Variants in SEMA4C observed in about 807,000 individuals in gnomAD.
SEMA4C encodes the protein semaphorin-4C.
In SEMA4C, 19 loss-of-function variants were observed where a neutral mutation model predicts 89.0. That is an observed-to-expected ratio of 0.21 (90% CI 0.15 to 0.31). The LOEUF (loss-of-function observed/expected upper bound fraction) is 0.31. Ranked by LOEUF, SEMA4C falls within the 10% of genes least tolerant of loss-of-function variation. The pLI, the probability that SEMA4C is intolerant of heterozygous loss-of-function variation, is 1.00. For synonymous variants in SEMA4C, 428 were observed against 472.7 expected, an observed-to-expected ratio of 0.91 and a Z score of 1.23; for missense variants, 811 against 1,107.0, an observed-to-expected ratio of 0.73 and a Z score of 3.79.
chr2:96,863,996 G>A lies in SEMA4C; in HGVS notation c.1260C>T (p.Phe420=), dbSNP rs1367333230. The stretch of plus-strand genomic sequence containing the variant: ...TAACCCGGTCGGCCACCAGGTGGGT[G>A]AAGTTGGTGCCCTTCTTCACGAGCA... ...RPLLVKKGTN[F]THLVADRVTG... Residue 420 remains phenylalanine (F), a synonymous_variant, in exon 11 of 15, where the codon TTC becomes TTT. Coordinates refer to ENST00000305476, the MANE Select transcript of SEMA4C (RefSeq NM_017789.5). The A allele has an allele frequency of 6.2e-7, 1 of 1,613,570 alleles. No individual in the cohort carries two copies. The highest frequency in any genetic ancestry group is 1.7e-5 in the Admixed American group (1 of 60,032).
chr2:96,869,552 G>T (rs371943560), intron 1 of SEMA4C: 11 of 985,180 alleles, frequency 1.1e-5, no homozygotes, highest in African/African-American at 8.7e-5. Flanking sequence ...CTTTCCATCG[G>T]GGGTGGGAGC....
rs758187273 is a variant in SEMA4C, at chr2:96,864,770, C to T, written c.897G>A (p.Ala299=). The change falls in exon 9 of 15, where the codon GCG becomes GCA. Residue 299 remains alanine, a synonymous_variant. Coordinates refer to ENST00000305476, the MANE Select transcript of SEMA4C (RefSeq NM_017789.5). The surrounding 1 kb of genome is among the most constrained non-coding windows in gnomAD (Gnocchi z 6.3). ...AGGAGGTGTCCTGCAGGGTGTGCAT[C>T]GCCTGCAGCTGGTTGAAGTAGAGCT... ...NWQLYFNQLQ[A]MHTLQDTSWH... The T allele has an allele frequency of 1.6e-5, 26 of 1,613,942 alleles. No homozygotes were observed. The highest frequency in any genetic ancestry group is 2.2e-5 in the South Asian group (2 of 91,088).
At position 96,861,103 on chromosome 2, in the gene SEMA4C, C is replaced by A. The variant is rs765513450; in HGVS notation, c.2025G>T (p.Val675=). ...VWLAVVALGA[V]CLVLLLLVLS... ...GCACCAGCAGCAGCAGCACCAGGCA[C>A]ACAGCCCCCAGGGCCACCACCGCCA... Residue 675 remains valine, a synonymous_variant, in exon 15 of 15, where the codon GTG becomes GTT. Transcript: ENST00000305476. This position sits in a 1 kb window ranked among gnomAD's most constrained non-coding sequence, Gnocchi z 7.8. 7 of 1,612,002 alleles carry A rather than the reference C, an allele frequency of 4.3e-6. No individual in the cohort carries two copies. The African/African-American group carries it at 9.4e-5, about 22-fold the overall frequency.
At chr2:96,863,222 A>T in intron 12 of SEMA4C, 1 of 990,932 alleles carries the variant, frequency 1.0e-6, no homozygotes, top group African/African-American at 1.7e-5. Context: ...AAAAAAACCA[A>T]AAAGAGTATT....
At position 96,869,690 on chromosome 2, in the gene SEMA4C, G is replaced by A. The variant is rs1022731741; in HGVS notation, c.-38+186C>T. 8 of 985,062 alleles carry A rather than the reference G, an allele frequency of 8.1e-6. No homozygotes were observed. In the Admixed American group the frequency reaches 4.3e-4, roughly 53 times the overall value. The allele number at this position is 985,062 out of a possible 1,614,324, so 61.0% of individuals were successfully genotyped here. On this transcript the variant is annotated intron_variant, in intron 1 of 14. Coordinates refer to ENST00000305476, the MANE Select transcript of SEMA4C (RefSeq NM_017789.5). ...CAGGTGCTGTGCGCCCCACTCCCGA[G>A]ACCCTGCGAAGCAGCCGCGGGGGTC...
rs1004313887 is a variant in SEMA4C at position 96,867,890 on chromosome 2, G to A, written c.-4C>T. Reference sequence around the variant, plus strand: ...AGACAGCCCAGTGTGGGGCCATGGCGCACGCCCCGGCTCTGAGCTTCAGGC... The same window carrying A: ...AGACAGCCCAGTGTGGGGCCATGGCACACGCCCCGGCTCTGAGCTTCAGGC... On this transcript the variant is annotated 5_prime_UTR_variant, in exon 2 of 15. Transcript: ENST00000305476. 1.9e-6 allele frequency: 3 copies of A among 1,613,466 alleles called. No individual in the cohort carries two copies. Among genetic ancestry groups the A allele is most frequent in the Non-Finnish European group, 2.5e-6 (3 of 1,180,006 alleles).
intron 2 of SEMA4C, chr2:96,866,653 A>G: frequency 1.4e-6 from 1 of 693,694 alleles, no homozygotes; most frequent in Non-Finnish European, 2.6e-6. Flanking sequence ...GGCTGCTGGG[A>G]GGAAGGAAGG....
intron 1 of SEMA4C, 131 bp from the exon 2 acceptor site, chr2:96,868,054 T>C (rs1574156649): frequency 7.9e-7 from 1 of 1,259,148 alleles, no homozygotes; most frequent in Non-Finnish European, 1.1e-6. Context: ...CCCCTTCTCT[T>C]TGGAGGTGGA....
In SEMA4C at chr2:96,870,054, A is replaced by G; in HGVS notation, c.-216T>C. On this transcript the variant is annotated 5_prime_UTR_variant, in exon 1 of 15. Transcript: ENST00000305476. ...CCCCTAGGCTCGGGCTCCCCGCGCC[A>G]CCACGGCGGGCGCCGGCTCTTTCTC... 1 of 978,116 alleles carries G rather than the reference A, an allele frequency of 1.0e-6. No homozygotes were observed. Among genetic ancestry groups the G allele is most frequent in the African/African-American group, 1.8e-5 (1 of 56,964 alleles). The allele number at this position is 978,116 out of a possible 1,614,324, so 60.6% of individuals were successfully genotyped here. A position where few individuals can be genotyped will look rare whatever the true frequency, so the allele number is the denominator to read the frequency against.
chr2:96,869,515 T>G, intron 1 of SEMA4C: 1 of 985,032 alleles, frequency 1.0e-6, no homozygotes, highest in Middle Eastern at 5.2e-4. Context: ...TCCCACAACA[T>G]CGGCCTCCCT....
chr2:96,859,728 C>G lies in SEMA4C; in HGVS notation c.*898G>C, dbSNP rs992995165. ...TTTAGCCCAAACATCTTAGCCCCAT[C>G]AGAGCAATCGTTTCATTTTCTCCAT... On this transcript the variant is annotated 3_prime_UTR_variant, in exon 15 of 15. Coordinates refer to ENST00000305476, the MANE Select transcript of SEMA4C (RefSeq NM_017789.5). 6 of 152,244 alleles carry G rather than the reference C, an allele frequency of 3.9e-5. No homozygotes were observed. Among genetic ancestry groups the G allele is most frequent in the Non-Finnish European group, 8.8e-5 (6 of 68,048 alleles). 9.4% of individuals were successfully genotyped at this position (152,244 alleles called of 1,614,324 possible). A position where few individuals can be genotyped will look rare whatever the true frequency, so the allele number is the denominator to read the frequency against.
chr2:96,864,685 G>A lies in SEMA4C; in HGVS notation c.962+20C>T. Reference sequence around the variant, plus strand: ...GAACCCCAGCTCCTCCCCACTCTGTGGGAGCCCTGGCCAACTCACCACTGT... The same window carrying A: ...GAACCCCAGCTCCTCCCCACTCTGTAGGAGCCCTGGCCAACTCACCACTGT... On this transcript the variant is annotated intron_variant, in intron 9 of 14. Coordinates refer to ENST00000305476, the MANE Select transcript of SEMA4C (RefSeq NM_017789.5). The surrounding 1 kb of genome is among the most constrained non-coding windows in gnomAD (Gnocchi z 6.3). 1.9e-6 allele frequency: 3 copies of A among 1,590,414 alleles called. No homozygotes were observed. The highest frequency in any genetic ancestry group is 2.6e-6 in the Non-Finnish European group (3 of 1,165,106).
intron 1 of SEMA4C, chr2:96,869,410 C>T (rs1289051604): frequency 2.1e-6 from 2 of 975,486 alleles, no homozygotes; most frequent in Non-Finnish European, 2.4e-6. Context: ...GGGGACGGCG[C>T]GGCCCGGCTC....
rs1330818688 is a variant in SEMA4C, at chr2:96,860,700, C to T, written c.2428G>A (p.Ala810Thr). ...GGLGHPLPEL[A>T]DELRRKLQQR... ...TGCAGTTTGCGTCTCAGTTCATCCG[C>T]GAGCTCAGGCAGGGGGTGCCCGAGC... Residue 810 changes from alanine to threonine, a missense_variant, in exon 15 of 15, where the codon GCG becomes ACG. Physicochemically the swap from Ala to Thr is moderately conservative, Grantham distance 58. Coordinates refer to ENST00000305476, the MANE Select transcript of SEMA4C (RefSeq NM_017789.5). 1.5e-5 allele frequency: 25 copies of T among 1,613,426 alleles called. No homozygotes were observed. Among genetic ancestry groups the T allele is most frequent in the Non-Finnish European group, 1.9e-5 (23 of 1,179,958 alleles).
chr2:96,866,576 G>A, intron 2 of SEMA4C, 145 bp from the exon 3 acceptor site: 8 of 1,197,922 alleles, frequency 6.7e-6, no homozygotes, highest in Non-Finnish European at 8.5e-6. Flanking sequence ...TTTTGAAACA[G>A]CCTTTGGCCC....
chr2:96,865,430 C>T lies in SEMA4C; in HGVS notation c.517+11G>A, dbSNP rs1559035174. ...GGACTCACCCAGCCTGCATGGGGGG[C>T]AGCCACTCACCCACAAGAAGGCCAG... is the stretch of plus-strand genomic sequence containing the variant. On this transcript the variant is annotated intron_variant, in intron 6 of 14. Coordinates refer to ENST00000305476, the MANE Select transcript of SEMA4C (RefSeq NM_017789.5). 1 of 1,612,764 alleles carries T rather than the reference C, an allele frequency of 6.2e-7. No homozygotes were observed. The highest frequency in any genetic ancestry group is 8.5e-7 in the Non-Finnish European group (1 of 1,178,904).
rs765845491 is a variant in SEMA4C at position 96,861,604 on chromosome 2, G to A, written c.1647C>T (p.Ile549=). 1 of 1,581,728 alleles carries A rather than the reference G, an allele frequency of 6.3e-7. No individual in the cohort carries two copies. Among genetic ancestry groups the A allele is most frequent in the Admixed American group, 1.7e-5 (1 of 57,688 alleles). The stretch of plus-strand genomic sequence containing the variant: ...CTTTCTTACTGCCACGGAGGTTGCA[G>A]ATGCCTGAAGTGTCCGAGGTCATCA... The part of the protein sequence containing the change: ...QHVMTSDTSG[I]CNLRGSKKVR... The change falls in exon 14 of 15, where the codon ATC becomes ATT. Residue 549 remains isoleucine (I), a synonymous_variant. Coordinates refer to ENST00000305476, the MANE Select transcript of SEMA4C (RefSeq NM_017789.5). The surrounding 1 kb of genome is among the most constrained non-coding windows in gnomAD (Gnocchi z 7.8).
chr2:96,870,133 C>A (rs888929432), upstream of SEMA4C: 21 of 972,824 alleles, frequency 2.2e-5, no homozygotes, highest in South Asian at 3.3e-4. Flanking sequence ...CTGGGGGGGT[C>A]GAGCGGAGGC....
rs1356322516 is a variant in SEMA4C, at chr2:96,860,657, G to A, written c.2471C>T (p.Pro824Leu). ...RRKLQQRQPL[P>L]DSNPEESSV ...TGATGACTCCTCGGGGTTGGAGTCGGGCAGTGGCTGGCGTTGCTGCAGTTT... is the reference window on the plus strand; with the variant it reads ...TGATGACTCCTCGGGGTTGGAGTCGAGCAGTGGCTGGCGTTGCTGCAGTTT... Residue 824 changes from proline to leucine, a missense_variant, in exon 15 of 15, where the codon CCC becomes CTC. Physicochemically the swap from Pro to Leu is moderately conservative, Grantham distance 98 (BLOSUM62 -3). Coordinates refer to ENST00000305476, the MANE Select transcript of SEMA4C (RefSeq NM_017789.5). 2 of 1,612,038 alleles carry A rather than the reference G, an allele frequency of 1.2e-6. No homozygotes were observed. Among genetic ancestry groups the A allele is most frequent in the African/African-American group, 2.7e-5 (2 of 74,924 alleles).
Sources: allele counts gnomAD v4.1 joint callset, GRCh38; gene constraint gnomAD v4.1.1; non-coding constraint Gnocchi (gnomAD v3.1); transcripts MANE v1.5; gene names NCBI Gene and HGNC (gene_info 2026-07-23, HGNC 2026-07-21).